TPCN1: variants seen among roughly 807,000 people sequenced by gnomAD.
TPCN1 encodes the protein two pore channel protein 1.
A neutral mutation model predicts 108.8 loss-of-function variants in TPCN1; 52 were observed. The ratio of observed to expected loss-of-function variants is 0.48; its 90% CI spans 0.38 to 0.60. The LOEUF (loss-of-function observed/expected upper bound fraction) is 0.60, where lower values mean the gene tolerates loss of function less well. Ranked by LOEUF, TPCN1 falls within the 20% of genes least tolerant of loss-of-function variation. The pLI is 0.00. For missense variants in TPCN1, 806 were observed against 1,072.8 expected, an observed-to-expected ratio of 0.75 and a Z score of 3.47; for synonymous variants, 446 against 433.7, an observed-to-expected ratio of 1.03 and a Z score of -0.35.
At chr12:113,261,228 T>A (rs1955018217) in intron 3 of TPCN1, among the ~76,000 whole-genome samples, 1 of 152,054 alleles carries the variant, frequency 6.6e-6, no homozygotes, top group African/African-American at 2.4e-5. Context: ...AAGTAATACA[T>A]GCTTATTACA....
At chr12:113,241,830 C>G (rs1363481196) in intron 2 of TPCN1, among the ~76,000 whole-genome samples, 1 of 150,286 alleles carries the variant, frequency 6.7e-6, no homozygotes, top group Non-Finnish European at 1.5e-5. Flanking sequence ...AGCATAGGGC[C>G]TTTACAAATG....
At chr12:113,236,489 G>C (rs910989818) in intron 2 of TPCN1, among the ~76,000 whole-genome samples, 1 of 152,090 alleles carries the variant, frequency 6.6e-6, no homozygotes, top group African/African-American at 2.4e-5. Flanking sequence ...TTGGGGTGCT[G>C]GGGAGAGGGA....
chr12:113,290,892 T>C, intron 22 of TPCN1, 60 bp from the exon 23 acceptor site: 2 of 1,561,850 alleles, frequency 1.3e-6, no homozygotes, highest in South Asian at 1.1e-5. Context: ...AAGAGGCCAC[T>C]TGAAATTGAC....
At chr12:113,233,628 G>T (rs1215423057) in intron 2 of TPCN1, among the ~76,000 whole-genome samples, 1 of 152,242 alleles carries the variant, frequency 6.6e-6, no homozygotes, top group Admixed American at 6.5e-5. Context: ...TCTCCCCGCA[G>T]TCAGGTATGC....
At position 113,278,240 on chromosome 12, in the gene TPCN1, G is replaced by C; in HGVS notation, c.1233+3G>C. 2 of 1,613,764 alleles carry C rather than the reference G, an allele frequency of 1.2e-6. No individual in the cohort carries two copies. The highest frequency in any genetic ancestry group is 8.5e-7 in the Non-Finnish European group (1 of 1,179,754). Reference sequence around the variant, plus strand: ...AAGTTGCTGCTTTGAAGTGGAAGGTGAGTTCTTCTCTGAGACCATAGAAGG... The same window carrying C: ...AAGTTGCTGCTTTGAAGTGGAAGGTCAGTTCTTCTCTGAGACCATAGAAGG... On this transcript the variant is annotated splice_donor_region_variant and intron_variant, in intron 13 of 27. Transcript: ENST00000335509.
At chr12:113,279,372 TATATATA>T (rs1955795939) in intron 14 of TPCN1, among the ~76,000 whole-genome samples, 1 of 27,996 alleles carries the variant, frequency 3.6e-5, no homozygotes, top group East Asian at 1.2e-3. Flanking sequence ...TATATATATA[TATATATA>T]TATATATATA....
intron 2 of TPCN1, among the ~76,000 whole-genome samples, chr12:113,240,312 A>G (rs967680199): frequency 2.6e-5 from 4 of 152,182 alleles, no homozygotes; most frequent in African/African-American, 9.7e-5. Flanking sequence ...TTAGGCTGTG[A>G]TGAATGTGTG....
At position 113,231,042 on chromosome 12, in the gene TPCN1, AG is replaced by A. The variant is rs1953668065; in HGVS notation, c.112+4079del. Among the ~76,000 whole-genome samples the A allele has an allele frequency of 6.6e-6, 1 of 152,238 alleles. No homozygotes were observed. The highest frequency in any genetic ancestry group is 2.4e-5 in the African/African-American group (1 of 41,466). ...AAGTACTAAGGAGTTGGCAGAATGC[AG>A]ATGCAGGCCATCCGCGGAGTTGGCA... On this transcript the variant is annotated intron_variant, in intron 2 of 27. Transcript: ENST00000335509. The surrounding 1 kb of genome is among the most constrained non-coding windows in gnomAD (Gnocchi z 4.3).
chr12:113,279,183 T>A (rs1039512564), intron 14 of TPCN1, among the ~76,000 whole-genome samples: 1 of 151,634 alleles, frequency 6.6e-6, no homozygotes, highest in Non-Finnish European at 1.5e-5. Flanking sequence ...AGATAACCAC[T>A]GTTAGTTCTC....
At position 113,226,844 on chromosome 12, in the gene TPCN1, G is replaced by C; in HGVS notation, c.-9G>C. On this transcript the variant is annotated 5_prime_UTR_variant, in exon 2 of 28. Coordinates refer to ENST00000335509, the MANE Select transcript of TPCN1 (RefSeq NM_017901.6). ...ATATCATATCCTGAGGGCCACAGGA[G>C]AAGAGAACATGGCTGTGAGTTTGGA... 1 of 1,614,198 alleles carries C rather than the reference G, an allele frequency of 6.2e-7. No homozygotes were observed. The highest frequency in any genetic ancestry group is 8.5e-7 in the Non-Finnish European group (1 of 1,180,042).
Position 113,266,726 on chromosome 12 carries a change from TGGG to T in TPCN1, c.414+373_414+375del, listed in dbSNP as rs1053539218. Among the ~76,000 whole-genome samples the T allele has an allele frequency of 6.6e-6, 1 of 151,926 alleles. No individual in the cohort carries two copies. The highest frequency in any genetic ancestry group is 6.6e-5 in the Admixed American group (1 of 15,246). ...AGTTCGGTGTGGTCACCATGGGAGG[TGGG>T]GGATGTTTCCTGGGCAGCCCCAGCC... is the stretch of plus-strand genomic sequence containing the variant. On this transcript the variant is annotated intron_variant, in intron 4 of 27. Transcript: ENST00000335509. The surrounding 1 kb of genome is among the most constrained non-coding windows in gnomAD (Gnocchi z 4.2).
intron 2 of TPCN1, among the ~76,000 whole-genome samples, chr12:113,245,711 G>T (rs1042304822): frequency 6.6e-6 from 1 of 152,106 alleles, no homozygotes; most frequent in Non-Finnish European, 1.5e-5. Flanking sequence ...CCCAGGAGGG[G>T]CCCTTTTATC....
intron 2 of TPCN1, among the ~76,000 whole-genome samples, chr12:113,259,133 CGCCTG>C (rs1954928190): frequency 1.3e-5 from 2 of 152,042 alleles, no homozygotes. Flanking sequence ...CCTTCCACCA[CGCCTG>C]GCTACTTTTT....
intron 17 of TPCN1, among the ~76,000 whole-genome samples, chr12:113,285,374 T>C (rs570481623): frequency 6.4e-4 from 96 of 149,944 alleles, no homozygotes; most frequent in African/African-American, 2.2e-3. Flanking sequence ...AGGGAGGATT[T>C]CTCTCTCTTT....
chr12:113,234,976 A>C (rs954730377), intron 2 of TPCN1, among the ~76,000 whole-genome samples: 2 of 152,206 alleles, frequency 1.3e-5, no homozygotes, highest in African/African-American at 4.8e-5. Context: ...GAACATACCG[A>C]TTCACCCTTT....
chr12:113,280,824 T>A (rs1378092701), intron 15 of TPCN1, among the ~76,000 whole-genome samples: 1 of 152,136 alleles, frequency 6.6e-6, no homozygotes, highest in Admixed American at 6.5e-5. Context: ...TCTGGTTCCT[T>A]TTAGTAGGAA....
At chr12:113,291,431 T>TC in intron 23 of TPCN1, 178 bp from the exon 24 acceptor site, 2 of 625,714 alleles carry the variant, frequency 3.2e-6, no homozygotes, top group South Asian at 3.8e-5. Flanking sequence ...CAGGGCTCCT[T>TC]CAGCAGTCAG....
Position 113,288,134 on chromosome 12 carries a change from T to C in TPCN1, c.1635-29T>C. On this transcript the variant is annotated intron_variant, in intron 19 of 27. Coordinates refer to ENST00000335509, the MANE Select transcript of TPCN1 (RefSeq NM_017901.6). This position sits in a 1 kb window ranked among gnomAD's most constrained non-coding sequence, Gnocchi z 4.8. ...GGGGGCTGAGGCGTGCACCTGTGTG[T>C]GGAGGTGACGGGTGTCCTCCTCGCT... The C allele has an allele frequency of 1.3e-6, 2 of 1,596,606 alleles. No individual in the cohort carries two copies. The highest frequency in any genetic ancestry group is 8.6e-7 in the Non-Finnish European group (1 of 1,166,926).
chr12:113,290,122 G>C lies in TPCN1; in HGVS notation c.1797-6G>C. Reference sequence around the variant, plus strand: ...CTCCCTCCTTTCTCCCTTGTGCTCCGGCCAGCACGAGTACAGTGGCAGATG... The same window carrying C: ...CTCCCTCCTTTCTCCCTTGTGCTCCCGCCAGCACGAGTACAGTGGCAGATG... On this transcript the variant is annotated splice_region_variant and splice_polypyrimidine_tract_variant and intron_variant, in intron 21 of 27. Transcript: ENST00000335509. The C allele has an allele frequency of 5.1e-6, 8 of 1,570,804 alleles. No individual in the cohort carries two copies. Among genetic ancestry groups the C allele is most frequent in the Non-Finnish European group, 6.9e-6 (8 of 1,154,690 alleles).
Sources: gnomAD v4.1 joint callset for allele counts (sites outside exome capture counted in the v4.1 genomes callset) on GRCh38, gnomAD v4.1.1 for gene constraint, Gnocchi (gnomAD v3.1) non-coding constraint, MANE v1.5 for transcripts, NCBI Gene and HGNC (gene_info 2026-07-23, HGNC 2026-07-21) for gene names.